The following ARHGAP15 variants were observed in gnomAD, a reference collection of about 807,000 sequenced individuals.
ARHGAP15 encodes Rho GTPase activating protein 15, also known as rho GTPase-activating protein 15.
Under a neutral mutation model 63.7 loss-of-function variants are expected in ARHGAP15, and 51 were observed. That is an observed-to-expected ratio of 0.80 (90% CI 0.64 to 1.01). The LOEUF (loss-of-function observed/expected upper bound fraction) is 1.01, where lower values mean the gene tolerates loss of function less well. Among genes scored for constraint, ARHGAP15 ranks in the 50% least tolerant of loss-of-function variants. The probability of loss-of-function intolerance (pLI) is 0.00; values close to 1 mark genes in which losing one functional copy is unlikely to be tolerated. For missense variants in ARHGAP15, 560 were observed against 564.6 expected (o/e 0.99, Z 0.08); for synonymous variants, 191 against 193.8 (o/e 0.99, Z 0.12).
intron 5 of ARHGAP15, among the ~76,000 whole-genome samples, chr2:143,249,214 T>G (rs966850007): frequency 2.0e-5 from 3 of 152,120 alleles, no homozygotes; most frequent in African/African-American, 7.2e-5. Flanking sequence ...AAGGTAGATA[T>G]GCTATCAAAT....
intron 8 of ARHGAP15, among the ~76,000 whole-genome samples, chr2:143,485,636 T>C (rs1227260392): frequency 6.6e-6 from 1 of 152,134 alleles, no homozygotes; most frequent in Admixed American, 6.5e-5. Context: ...CATGGACCTA[T>C]GGCAAAGTCT....
At chr2:143,606,827 T>A (rs1387572751) in intron 11 of ARHGAP15, 1 of 152,202 alleles carries the variant, frequency 6.6e-6, no homozygotes, top group Non-Finnish European at 1.5e-5. Context: ...CCTGCCTCAA[T>A]CATGTGCCAT....
intron 6 of ARHGAP15, among the ~76,000 whole-genome samples, chr2:143,370,278 T>C (rs1049407459): frequency 2.0e-5 from 3 of 151,886 alleles, no homozygotes; most frequent in African/African-American, 7.3e-5. Context: ...CCTTGGCATG[T>C]CTTGCTTTTT....
At chr2:143,245,081 C>T (rs578012964) in intron 5 of ARHGAP15, among the ~76,000 whole-genome samples, 2 of 152,262 alleles carry the variant, frequency 1.3e-5, no homozygotes, top group East Asian at 3.9e-4. Context: ...AAATATAATT[C>T]TGACACATCA....
At chr2:143,131,604 C>T (rs548742010) in intron 1 of ARHGAP15, among the ~76,000 whole-genome samples, 1 of 152,314 alleles carries the variant, frequency 6.6e-6, no homozygotes, top group South Asian at 2.1e-4. Flanking sequence ...TCACTGGCTC[C>T]TTCCATTCAA....
chr2:143,170,344 C>T (rs1334021933), intron 2 of ARHGAP15, among the ~76,000 whole-genome samples: 1 of 152,108 alleles, frequency 6.6e-6, no homozygotes. Flanking sequence ...CGGCATTATG[C>T]TAAGTGCTAT....
intron 12 of ARHGAP15, among the ~76,000 whole-genome samples, chr2:143,627,928 C>A (rs1371812497): frequency 6.6e-6 from 1 of 151,824 alleles, no homozygotes; most frequent in Non-Finnish European, 1.5e-5. Flanking sequence ...AATGCCATCA[C>A]CCAGGTATAG....
intron 6 of ARHGAP15, among the ~76,000 whole-genome samples, chr2:143,267,034 A>G (rs566608507): frequency 3.3e-4 from 50 of 152,322 alleles, no homozygotes; most frequent in Non-Finnish European, 6.5e-4. Flanking sequence ...TGAAAGTGGC[A>G]TATGTCACGT....
At chr2:143,719,334 G>A (rs1052894493) in intron 13 of ARHGAP15, among the ~76,000 whole-genome samples, 6 of 152,202 alleles carry the variant, frequency 3.9e-5, no homozygotes, top group African/African-American at 7.2e-5. Flanking sequence ...CTGTGTATAT[G>A]TTGTTGGGCA....
At chr2:143,596,253 A>G (rs1416145748) in intron 11 of ARHGAP15, among the ~76,000 whole-genome samples, 1 of 152,184 alleles carries the variant, frequency 6.6e-6, no homozygotes, top group Non-Finnish European at 1.5e-5. Context: ...GTGCATCAGA[A>G]CAGAGCCTTT....
chr2:143,765,860 G>A (rs1370796858), intron 13 of ARHGAP15, among the ~76,000 whole-genome samples: 1 of 152,096 alleles, frequency 6.6e-6, no homozygotes. Flanking sequence ...CTATGCCTCA[G>A]TCTTCTCATT....
At chr2:143,391,933 C>T (rs957202320) in intron 6 of ARHGAP15, among the ~76,000 whole-genome samples, 1 of 152,054 alleles carries the variant, frequency 6.6e-6, no homozygotes, top group African/African-American at 2.4e-5. Context: ...TCTTGTGGTA[C>T]TTCAGGTCAC....
At chr2:143,605,847 C>T (rs1222625026) in intron 11 of ARHGAP15, among the ~76,000 whole-genome samples, 1 of 70,194 alleles carries the variant, frequency 1.4e-5, no homozygotes, top group Admixed American at 1.8e-4. Flanking sequence ...AACCCTGTCT[C>T]TACTAAAATA....
chr2:143,183,338 A>G (rs747681886), intron 2 of ARHGAP15, among the ~76,000 whole-genome samples: 22 of 152,316 alleles, frequency 1.4e-4, no homozygotes, highest in Middle Eastern at 6.8e-3. Context: ...TTCATGACCA[A>G]TGACTAATTA....
chr2:143,491,406 GTATGCCCT>G (rs1692576037), intron 9 of ARHGAP15, among the ~76,000 whole-genome samples: 1 of 152,150 alleles, frequency 6.6e-6, no homozygotes, highest in South Asian at 2.1e-4. Flanking sequence ...GGAGCAATTA[GTATGCCCT>G]TATGTCAAAA....
intron 9 of ARHGAP15, among the ~76,000 whole-genome samples, chr2:143,501,386 AT>A (rs1236013835): frequency 6.6e-6 from 1 of 152,262 alleles, no homozygotes; most frequent in Admixed American, 6.5e-5. Flanking sequence ...ACCATTTGAT[AT>A]TACATAAAGA....
intron 12 of ARHGAP15, among the ~76,000 whole-genome samples, chr2:143,627,768 GTA>G (rs1405608271): frequency 2.0e-5 from 3 of 151,980 alleles, no homozygotes; most frequent in Admixed American, 6.6e-5. Context: ...TTTATTCTCT[GTA>G]CCATAGGAGG....
At chr2:143,613,290 ACT>A (rs1378716174) in intron 11 of ARHGAP15, among the ~76,000 whole-genome samples, 2 of 152,180 alleles carry the variant, frequency 1.3e-5, no homozygotes, top group African/African-American at 2.4e-5. Flanking sequence ...AATTTTCTAA[ACT>A]CTATAATTAA....
chr2:143,553,208 T>C (rs975243924), intron 10 of ARHGAP15, among the ~76,000 whole-genome samples: 1 of 152,232 alleles, frequency 6.6e-6, no homozygotes, highest in African/African-American at 2.4e-5. Context: ...TAAAATTCAC[T>C]GATATGTTCC....
Sources: gnomAD v4.1 joint callset for allele counts (sites outside exome capture counted in the v4.1 genomes callset) on GRCh38, gnomAD v4.1.1 for gene constraint, MANE v1.5 for transcripts, NCBI Gene and HGNC (gene_info 2026-07-23, HGNC 2026-07-21) for gene names.